The following PCDH15 variants were observed in gnomAD, a reference collection of about 807,000 sequenced individuals.
The protein encoded by PCDH15 is protocadherin-15.
PCDH15 carries 129 observed loss-of-function variants against 178.5 expected under a neutral mutation model. That is an observed-to-expected ratio of 0.72 (90% CI 0.63 to 0.84). The LOEUF (loss-of-function observed/expected upper bound fraction) is 0.84, where lower values mean the gene tolerates loss of function less well. PCDH15 is among the 40% of genes least tolerant of loss of function. The pLI is 0.00. For missense variants in PCDH15, 2,230 were observed against 2,099.9 expected (o/e 1.06, Z -1.21); for synonymous variants, 800 against 732.0 (o/e 1.09, Z -1.50).
chr10:54,367,937 T>C (rs1363515026), intron 5 of PCDH15, among the ~76,000 whole-genome samples: 1 of 151,708 alleles, frequency 6.6e-6, no homozygotes, highest in East Asian at 1.9e-4. Context: ...ACAAAGCAAA[T>C]GTAACTCAAA....
intron 1 of PCDH15, among the ~76,000 whole-genome samples, chr10:54,767,417 C>T: frequency 6.6e-6 from 1 of 152,022 alleles, no homozygotes; most frequent in Admixed American, 6.5e-5. Context: ...GAGGAAAAGC[C>T]TCCCATTTAG....
chr10:55,603,243 G>T (rs1467805821), intron 2 of PCDH15, among the ~76,000 whole-genome samples: 5 of 151,830 alleles, frequency 3.3e-5, no homozygotes, highest in African/African-American at 1.2e-4. Flanking sequence ...ATGGGACTAT[G>T]TGAGATGACC....
At chr10:54,830,272 G>T (rs1204989662) in intron 3 of PCDH15, among the ~76,000 whole-genome samples, 5 of 152,034 alleles carry the variant, frequency 3.3e-5, no homozygotes, top group African/African-American at 1.2e-4. Flanking sequence ...CTGCTATAAA[G>T]ACACATGCAC....
chr10:54,359,023 A>C (rs1251892134), intron 5 of PCDH15, among the ~76,000 whole-genome samples: 1 of 84,472 alleles, frequency 1.2e-5, no homozygotes, highest in African/African-American at 4.6e-5. Flanking sequence ...GGGTGGGGGG[A>C]GGGGGAGGGA....
chr10:55,451,490 T>C (rs1011148895), intron 2 of PCDH15, among the ~76,000 whole-genome samples: 3 of 114,044 alleles, frequency 2.6e-5, no homozygotes, highest in African/African-American at 1.2e-4. Context: ...AGAGTAAGAC[T>C]CCGTCTCAAA....
At chr10:54,048,424 TTTTG>T (rs1182867810) in intron 18 of PCDH15, among the ~76,000 whole-genome samples, 3 of 152,182 alleles carry the variant, frequency 2.0e-5, no homozygotes, top group African/African-American at 7.2e-5. Flanking sequence ...ACTTATCAAT[TTTTG>T]TTTTTGTGGC....
At chr10:55,510,082 CTT>C (rs1176945039) in intron 2 of PCDH15, among the ~76,000 whole-genome samples, 7 of 151,626 alleles carry the variant, frequency 4.6e-5, no homozygotes, top group African/African-American at 1.7e-4. Flanking sequence ...ACAACAGAGA[CTT>C]TTTTTTGTAT....
intron 8 of PCDH15, among the ~76,000 whole-genome samples, chr10:54,241,764 T>C (rs1468122168): frequency 6.6e-6 from 1 of 151,976 alleles, no homozygotes; most frequent in African/African-American, 2.4e-5. Context: ...ATAAGTAAAG[T>C]GAATTAGGTC....
intron 2 of PCDH15, among the ~76,000 whole-genome samples, chr10:55,462,712 CT>C (rs1227958269): frequency 1.3e-5 from 2 of 152,022 alleles, no homozygotes; most frequent in African/African-American, 2.4e-5. Context: ...CATCAGCAGC[CT>C]TGTGTGATCA....
intron 3 of PCDH15, among the ~76,000 whole-genome samples, chr10:54,518,320 C>T (rs2082443031): frequency 1.3e-5 from 2 of 151,598 alleles, no homozygotes; most frequent in South Asian, 4.2e-4. Flanking sequence ...GCTAGCAAGA[C>T]TAATAAAGAA....
intron 1 of PCDH15, among the ~76,000 whole-genome samples, chr10:55,286,305 C>T (rs909244686): frequency 6.6e-6 from 1 of 151,620 alleles, no homozygotes; most frequent in Non-Finnish European, 1.5e-5. Flanking sequence ...ATTGCTAATT[C>T]ATATAAATTT....
chr10:55,083,334 G>A (rs1015421436), intron 2 of PCDH15, among the ~76,000 whole-genome samples: 26 of 151,618 alleles, frequency 1.7e-4, no homozygotes, highest in African/African-American at 5.8e-4. Context: ...CTGAAATACT[G>A]AAAAAATACT....
chr10:54,747,169 T>C (rs1181757834), intron 1 of PCDH15, among the ~76,000 whole-genome samples: 1 of 152,194 alleles, frequency 6.6e-6, no homozygotes, highest in Non-Finnish European at 1.5e-5. Flanking sequence ...ACCATCATTG[T>C]TTTTACAAAC....
At chr10:54,235,877 G>T (rs1036858979) in intron 9 of PCDH15, among the ~76,000 whole-genome samples, 6 of 152,104 alleles carry the variant, frequency 3.9e-5, no homozygotes, top group African/African-American at 1.4e-4. Flanking sequence ...AAATATAAAA[G>T]TCTGAGCTCT....
chr10:55,230,072 A>C (rs575846609), intron 1 of PCDH15, among the ~76,000 whole-genome samples: 1 of 152,082 alleles, frequency 6.6e-6, no homozygotes, highest in Non-Finnish European at 1.5e-5. Context: ...CCTATAGCAT[A>C]GTGGAGCTAA....
At chr10:55,431,907 A>G (rs1016067430) in intron 2 of PCDH15, among the ~76,000 whole-genome samples, 2 of 152,110 alleles carry the variant, frequency 1.3e-5, no homozygotes, top group Admixed American at 1.3e-4. Context: ...TCTATGTGTG[A>G]AGGTTGTTAT....
At chr10:54,110,400 T>C (rs2094997377) in intron 15 of PCDH15, among the ~76,000 whole-genome samples, 1 of 151,716 alleles carries the variant, frequency 6.6e-6, no homozygotes, top group East Asian at 1.9e-4. Context: ...GGTATATATA[T>C]AAGTAAACAA....
At chr10:54,410,289 T>A (rs1953301091) in intron 3 of PCDH15, among the ~76,000 whole-genome samples, 1 of 152,166 alleles carries the variant, frequency 6.6e-6, no homozygotes, top group Non-Finnish European at 1.5e-5. Context: ...AAATTCAGGC[T>A]CATCGTCCTT....
intron 2 of PCDH15, among the ~76,000 whole-genome samples, chr10:55,479,858 G>A (rs1235859414): frequency 6.6e-6 from 1 of 151,612 alleles, no homozygotes; most frequent in Non-Finnish European, 1.5e-5. Flanking sequence ...ATTTATATAT[G>A]CCAGTAACAA....
Sources: allele counts gnomAD v4.1 joint callset (sites outside exome capture counted in the v4.1 genomes callset), GRCh38; gene constraint gnomAD v4.1.1; transcripts MANE v1.5; gene names NCBI Gene and HGNC (gene_info 2026-07-23, HGNC 2026-07-21).